The following DPYD variants were observed in gnomAD, a reference collection of about 807,000 sequenced individuals.
DPYD encodes the protein dihydropyrimidine dehydrogenase, also known as dihydropyrimidine dehydrogenase [NADP(+)].
In DPYD, 109 loss-of-function variants were observed where a neutral mutation model predicts 116.2. The ratio of observed to expected loss-of-function variants is 0.94; its 90% CI spans 0.80 to 1.10. The LOEUF (loss-of-function observed/expected upper bound fraction) is 1.10, where lower values mean the gene tolerates loss of function less well. Ranked by LOEUF, DPYD falls within the 50% of genes least tolerant of loss-of-function variation. The pLI, the probability that DPYD is intolerant of heterozygous loss-of-function variation, is 0.00. For synonymous variants in DPYD, 440 were observed against 432.0 expected, an observed-to-expected ratio of 1.02 and a Z score of -0.23; for missense variants, 1,302 against 1,254.5, an observed-to-expected ratio of 1.04 and a Z score of -0.57.
intron 13 of DPYD, among the ~76,000 whole-genome samples, chr1:97,466,712 C>A (rs1172053423): frequency 2.6e-5 from 4 of 152,066 alleles, no homozygotes; most frequent in African/African-American, 9.7e-5. Flanking sequence ...TGGGGAAACA[C>A]CAAAGAGACC....
intron 20 of DPYD, among the ~76,000 whole-genome samples, chr1:97,144,482 C>T (rs1654462955): frequency 6.6e-6 from 1 of 152,186 alleles, no homozygotes; most frequent in Non-Finnish European, 1.5e-5. Flanking sequence ...AAAGAATGAA[C>T]AGCAATATTC....
intron 18 of DPYD, among the ~76,000 whole-genome samples, chr1:97,284,450 G>A (rs1402931498): frequency 1.3e-5 from 2 of 151,966 alleles, no homozygotes; most frequent in South Asian, 2.1e-4. Flanking sequence ...CAGTTATATA[G>A]TATATTATGT....
At chr1:97,380,110 G>T (rs536776364) in intron 15 of DPYD, among the ~76,000 whole-genome samples, 34 of 152,252 alleles carry the variant, frequency 2.2e-4, no homozygotes, top group South Asian at 2.1e-3. Flanking sequence ...AATTACAAAA[G>T]AAATTGATTC....
intron 13 of DPYD, among the ~76,000 whole-genome samples, chr1:97,466,042 A>T (rs573625600): frequency 6.6e-6 from 1 of 152,214 alleles, no homozygotes. Flanking sequence ...AAGAGGCCGC[A>T]GTAAGCTATG....
At chr1:97,380,105 C>G (rs568232061) in intron 15 of DPYD, among the ~76,000 whole-genome samples, 1 of 152,260 alleles carries the variant, frequency 6.6e-6, no homozygotes, top group African/African-American at 2.4e-5. Context: ...TTACAAATTA[C>G]AAAAGAAATT....
chr1:97,142,217 T>C (rs1257635057), intron 20 of DPYD, among the ~76,000 whole-genome samples: 2 of 152,208 alleles, frequency 1.3e-5, no homozygotes, highest in Non-Finnish European at 2.9e-5. Flanking sequence ...GTATTGGGCC[T>C]TTTATGGTGC....
At chr1:97,520,124 A>T (rs1019623720) in intron 12 of DPYD, among the ~76,000 whole-genome samples, 4 of 152,208 alleles carry the variant, frequency 2.6e-5, no homozygotes, top group African/African-American at 9.7e-5. Flanking sequence ...ATTAATGTTC[A>T]TATAGAACTA....
At chr1:97,466,138 T>C (rs547001639) in intron 13 of DPYD, among the ~76,000 whole-genome samples, 4 of 152,324 alleles carry the variant, frequency 2.6e-5, no homozygotes, top group Non-Finnish European at 5.9e-5. Context: ...ATGTCTCACA[T>C]ACACTCTGGT....
At chr1:97,262,246 G>A (rs895148705) in intron 18 of DPYD, among the ~76,000 whole-genome samples, 3 of 152,092 alleles carry the variant, frequency 2.0e-5, no homozygotes, top group South Asian at 2.1e-4. Context: ...TAATCTTTAC[G>A]CACACTGGGC....
intron 16 of DPYD, among the ~76,000 whole-genome samples, chr1:97,336,251 G>C (rs1039861506): frequency 1.3e-5 from 2 of 152,108 alleles, no homozygotes; most frequent in African/African-American, 4.8e-5. Flanking sequence ...TTCAAAGCCT[G>C]ACCCAGAACA....
At chr1:97,573,193 G>A (rs1225352452) in intron 11 of DPYD, among the ~76,000 whole-genome samples, 1 of 151,990 alleles carries the variant, frequency 6.6e-6, no homozygotes. Flanking sequence ...CAGTTGAAAT[G>A]TTATATAAAA....
At chr1:97,715,622 T>C (rs1362901041) in intron 5 of DPYD, among the ~76,000 whole-genome samples, 3 of 152,118 alleles carry the variant, frequency 2.0e-5, no homozygotes, top group Non-Finnish European at 2.9e-5. Flanking sequence ...ACTGGACTGA[T>C]TATTAATAAT....
intron 14 of DPYD, among the ~76,000 whole-genome samples, chr1:97,436,962 A>G (rs1006452019): frequency 6.6e-6 from 1 of 151,866 alleles, no homozygotes; most frequent in African/African-American, 2.4e-5. Flanking sequence ...TTTAAGTTAA[A>G]CCAATTTTTT....
In DPYD at chr1:97,751,429, CGTGTGTGTGT is replaced by C. The variant is rs564067118; in HGVS notation, c.234-10960_234-10951del. Among the ~76,000 whole-genome samples the C allele has an allele frequency of 1.7e-3, 91 of 53,044 alleles. 1 individual carries two copies. Among genetic ancestry groups the C allele is most frequent in the African/African-American group, 4.6e-3 (59 of 12,908 alleles). The allele number at this position is 53,044 out of a possible 152,430, so 34.8% of individuals were successfully genotyped here. ...ATATACGTGTATATATATATGTATA[CGTGTGTGTGT>C]GTGTGTGTGTGTGTGTGTGTGTATA... On this transcript the variant is annotated intron_variant, in intron 3 of 22. Transcript: ENST00000370192.
At chr1:97,236,499 C>G (rs1557961665) in intron 18 of DPYD, among the ~76,000 whole-genome samples, 1 of 152,072 alleles carries the variant, frequency 6.6e-6, no homozygotes, top group South Asian at 2.1e-4. Context: ...AACTATATGA[C>G]ATTCTGGAAA....
At chr1:97,789,257 A>C (rs1204430207) in intron 3 of DPYD, among the ~76,000 whole-genome samples, 1 of 152,242 alleles carries the variant, frequency 6.6e-6, no homozygotes, top group Non-Finnish European at 1.5e-5. Flanking sequence ...ATTACCCAGT[A>C]TTAAAATTTG....
chr1:97,506,976 T>C (rs1647383470), intron 13 of DPYD, among the ~76,000 whole-genome samples: 1 of 151,990 alleles, frequency 6.6e-6, no homozygotes, highest in Non-Finnish European at 1.5e-5. Flanking sequence ...ACTTGCAAGA[T>C]TTAGCTTCAA....
chr1:97,907,206 T>A (rs1441475140), intron 1 of DPYD, among the ~76,000 whole-genome samples: 1 of 152,126 alleles, frequency 6.6e-6, no homozygotes, highest in Non-Finnish European at 1.5e-5. Context: ...TTTAATATTT[T>A]CAGACCTAAA....
At chr1:97,128,888 A>G (rs56822709) in intron 20 of DPYD, among the ~76,000 whole-genome samples, 11,974 of 152,150 alleles carry the variant, frequency 0.079, 839 homozygotes, top group African/African-American at 0.19. Flanking sequence ...GATGGAGGGA[A>G]GGAGAGAAAA....
Sources: gnomAD v4.1 joint callset for allele counts (sites outside exome capture counted in the v4.1 genomes callset) on GRCh38, gnomAD v4.1.1 for gene constraint, MANE v1.5 for transcripts, NCBI Gene and HGNC (gene_info 2026-07-23, HGNC 2026-07-21) for gene names.